The following PKNOX2 variants were observed in gnomAD, a reference collection of about 807,000 sequenced individuals.
The protein encoded by PKNOX2 is PBX/knotted 1 homeobox 2.
Under a neutral mutation model 53.1 loss-of-function variants are expected in PKNOX2, and 14 were observed. The ratio of observed to expected loss-of-function variants is 0.26; its 90% CI spans 0.17 to 0.41. The LOEUF (loss-of-function observed/expected upper bound fraction) is 0.41. Among genes scored for constraint, PKNOX2 ranks in the 10% least tolerant of loss-of-function variants. The pLI, the probability that PKNOX2 is intolerant of heterozygous loss-of-function variation, is 1.00. For missense variants in PKNOX2, 496 were observed against 602.8 expected, an observed-to-expected ratio of 0.82 and a Z score of 1.85; for synonymous variants, 257 against 242.8, an observed-to-expected ratio of 1.06 and a Z score of -0.54.
At position 125,226,322 on chromosome 11, in the gene PKNOX2, G is replaced by A. The variant is rs143479095; in HGVS notation, c.-200-8723G>A. On this transcript the variant is annotated intron_variant, in intron 1 of 12. Coordinates refer to ENST00000298282, the MANE Select transcript of PKNOX2 (RefSeq NM_001382323.2). ...TTTAACCTCTCAGGGGATGTGGATA[G>A]CCTTGAAATCTTGGTAAAATCTGTA... Among the ~76,000 whole-genome samples, 49 of 152,220 alleles carry A rather than the reference G, an allele frequency of 3.2e-4. No homozygotes were observed. In the East Asian group the frequency reaches 8.9e-3, roughly 28 times the overall value.
rs565825881 is a variant in PKNOX2 at position 125,372,171 on chromosome 11, C to T, written c.227+4186C>T. Reference sequence around the variant, plus strand: ...ATACCATAGTTCTAGGTTGATGTGCCGGCAAACGTCTCTCGAGGCGGGGAA... The same window carrying T: ...ATACCATAGTTCTAGGTTGATGTGCTGGCAAACGTCTCTCGAGGCGGGGAA... On this transcript the variant is annotated intron_variant, in intron 5 of 12. Transcript: ENST00000298282. Among the ~76,000 whole-genome samples the T allele has an allele frequency of 4.2e-4, 64 of 152,228 alleles. No individual in the cohort carries two copies. The East Asian group carries it at 5.6e-3, about 13-fold the overall frequency.
At chr11:125,186,181 G>A (rs1029848980) in intron 1 of PKNOX2, among the ~76,000 whole-genome samples, 3 of 151,948 alleles carry the variant, frequency 2.0e-5, no homozygotes, top group African/African-American at 4.8e-5. Flanking sequence ...TTGGACATTT[G>A]TATATCTTTT....
chr11:125,376,925 C>T (rs1050652372), intron 5 of PKNOX2, among the ~76,000 whole-genome samples: 1 of 152,034 alleles, frequency 6.6e-6, no homozygotes, highest in Non-Finnish European at 1.5e-5. Context: ...TAAAAGAAAA[C>T]GAGGTTCGAA....
intron 2 of PKNOX2, among the ~76,000 whole-genome samples, chr11:125,325,034 A>T (rs1389839576): frequency 3.3e-5 from 5 of 152,222 alleles, no homozygotes. Context: ...TCCCCAAATA[A>T]GAAAATCCTG....
At chr11:125,377,749 AAAAC>A (rs1346466377) in intron 5 of PKNOX2, among the ~76,000 whole-genome samples, 6 of 152,268 alleles carry the variant, frequency 3.9e-5, no homozygotes, top group Admixed American at 6.5e-5. Flanking sequence ...CTGATGAGCA[AAAAC>A]AAACAAACAA....
chr11:125,193,007 G>T (rs554834955), intron 1 of PKNOX2, among the ~76,000 whole-genome samples: 2 of 152,230 alleles, frequency 1.3e-5, no homozygotes, highest in Admixed American at 6.5e-5. Context: ...ACCACTTGCC[G>T]GGTGGGACCC....
Position 125,411,766 on chromosome 11 carries a change from C to T in PKNOX2, c.837C>T (p.Ser279=). 4 of 1,614,152 alleles carry T rather than the reference C, an allele frequency of 2.5e-6. No individual in the cohort carries two copies. Among genetic ancestry groups the T allele is most frequent in the East Asian group, 2.2e-5 (1 of 44,876 alleles). ...QNTQVNLDLT[S]LLDNEDKKSK... is the part of the protein sequence containing the mutation. ...TGAAGGTTAACCTTGACCTCACCTC[C>T]CTCCTGGACAATGAGGATAAGAAGT... The change falls in exon 10 of 13, where the codon TCC becomes TCT. Residue 279 remains serine, a synonymous_variant. Coordinates refer to ENST00000298282, the MANE Select transcript of PKNOX2 (RefSeq NM_001382323.2).
intron 8 of PKNOX2, 109 bp downstream of exon 8, chr11:125,410,434 C>G: frequency 7.0e-7 from 1 of 1,437,380 alleles, no homozygotes; most frequent in Non-Finnish European, 9.4e-7. Flanking sequence ...GGGAGGGGCT[C>G]CCAGCTCAGT....
At chr11:125,198,659 G>C (rs1938045958) in intron 1 of PKNOX2, among the ~76,000 whole-genome samples, 1 of 152,088 alleles carries the variant, frequency 6.6e-6, no homozygotes, top group Non-Finnish European at 1.5e-5. Flanking sequence ...CCTGCTCTAA[G>C]ACAATCGGTG....
rs150935844 is a variant in PKNOX2 at position 125,204,723 on chromosome 11, T to C, written c.-200-30322T>C. Among the ~76,000 whole-genome samples the C allele has an allele frequency of 2.8e-3, 425 of 152,316 alleles. 2 individuals carry two copies. The highest frequency in any genetic ancestry group is 0.014 in the Middle Eastern group (4 of 294). On this transcript the variant is annotated intron_variant, in intron 1 of 12. Coordinates refer to ENST00000298282, the MANE Select transcript of PKNOX2 (RefSeq NM_001382323.2). ...CAGCTCTTTGCAACATTCTAAGGTT[T>C]GCCTTCTATTGTCCTTCTCCTCCCT...
intron 1 of PKNOX2, among the ~76,000 whole-genome samples, chr11:125,232,628 T>C (rs1343966835): frequency 6.6e-6 from 1 of 152,226 alleles, no homozygotes; most frequent in Non-Finnish European, 1.5e-5. Flanking sequence ...TTCATCATTG[T>C]CGAAGTTCCT....
In PKNOX2 at chr11:125,173,740, G is replaced by A. The variant is rs1341017126; in HGVS notation, c.-201+8964G>A. ...GTGGGGGCAGCGAGGCTGCAGTGTG[G>A]CCTTGGTCTGCCAGCCCAGGTGTAA... On this transcript the variant is annotated intron_variant, in intron 1 of 12. Transcript: ENST00000298282. Among the ~76,000 whole-genome samples, 3 of 152,210 alleles carry A rather than the reference G, an allele frequency of 2.0e-5. No homozygotes were observed. The East Asian group carries it at 5.8e-4, about 29-fold the overall frequency.
chr11:125,309,685 GCC>G (rs1472143332), intron 2 of PKNOX2, among the ~76,000 whole-genome samples: 21 of 152,210 alleles, frequency 1.4e-4, no homozygotes, highest in African/African-American at 4.3e-4. Context: ...ACTGTGCCCG[GCC>G]TCTAACAGTA....
At chr11:125,333,549 T>TACACACAC (rs57352759) in intron 3 of PKNOX2, among the ~76,000 whole-genome samples, 11,966 of 142,246 alleles carry the variant, frequency 0.084, 558 homozygotes, top group East Asian at 0.11. Flanking sequence ...CACACACACA[T>TACACACAC]ACACACACAC....
chr11:125,430,086 C>G lies in PKNOX2; in HGVS notation c.1137C>G (p.Ser379=). 6.2e-7 allele frequency: 1 copy of G among 1,614,170 alleles called. No individual in the cohort carries two copies. Among genetic ancestry groups the G allele is most frequent in the Admixed American group, 1.7e-5 (1 of 60,026 alleles). ...HRPTQRFWPN[S]IAAGVLQQQG... is the part of the protein sequence containing the mutation. ...CCACCCAAAGATTCTGGCCCAACTCCATCGCTGCGGGGGTGCTGCAGCAGC... is the reference window on the plus strand; with the variant it reads ...CCACCCAAAGATTCTGGCCCAACTCGATCGCTGCGGGGGTGCTGCAGCAGC... Residue 379 remains serine, a synonymous_variant, in exon 12 of 13, where the codon TCC becomes TCG. Coordinates refer to ENST00000298282, the MANE Select transcript of PKNOX2 (RefSeq NM_001382323.2).
intron 5 of PKNOX2, among the ~76,000 whole-genome samples, chr11:125,384,578 G>A (rs1163047863): frequency 2.0e-5 from 3 of 152,232 alleles, no homozygotes; most frequent in African/African-American, 7.2e-5. Context: ...CAGATACTCA[G>A]GAGGCTGAGA....
At chr11:125,178,630 GAAAGAAA>G (rs1565462396) in intron 1 of PKNOX2, among the ~76,000 whole-genome samples, 43 of 88,260 alleles carry the variant, frequency 4.9e-4, no homozygotes, top group African/African-American at 2.5e-3. Context: ...AAGAAAGAAA[GAAAGAAA>G]GAAAGAAAGA....
At chr11:125,293,150 C>T (rs556682154) in intron 2 of PKNOX2, among the ~76,000 whole-genome samples, 3 of 152,016 alleles carry the variant, frequency 2.0e-5, no homozygotes, top group East Asian at 1.9e-4. Flanking sequence ...GTGGGGTGGA[C>T]GAATGGGGGA....
rs80139959 is a variant in PKNOX2, at chr11:125,178,949, T to G, written c.-201+14173T>G. 6.1e-3 allele frequency among the ~76,000 whole-genome samples: 933 copies of G among 152,130 alleles called. 5 individuals carry two copies. The highest frequency in any genetic ancestry group is 0.022 in the African/African-American group (893 of 41,474). On this transcript the variant is annotated intron_variant, in intron 1 of 12. Coordinates refer to ENST00000298282, the MANE Select transcript of PKNOX2 (RefSeq NM_001382323.2). Reference sequence around the variant, plus strand: ...TGGCAGCCGGGACAATGAAAGGAGATAGCCCGTGTAAAGTGCACGGTGTGG... The same window carrying G: ...TGGCAGCCGGGACAATGAAAGGAGAGAGCCCGTGTAAAGTGCACGGTGTGG...
Sources: allele counts gnomAD v4.1 joint callset (sites outside exome capture counted in the v4.1 genomes callset), GRCh38; gene constraint gnomAD v4.1.1; transcripts MANE v1.5; gene names NCBI Gene and HGNC (gene_info 2026-07-23, HGNC 2026-07-21).